Variants in SANBR observed in about 807,000 individuals in gnomAD.
SANBR encodes SANT and BTB domain regulator of CSR.
SANBR carries 77 observed loss-of-function variants against 101.8 expected under a neutral mutation model. The observed-to-expected ratio is 0.76, with a 90% CI of 0.63 to 0.91. The LOEUF is 0.91. SANBR is among the 40% of genes least tolerant of loss of function. The pLI, the probability that SANBR is intolerant of heterozygous loss-of-function variation, is 0.00. For missense variants in SANBR, 875 were observed against 853.0 expected (o/e 1.03, Z -0.32); for synonymous variants, 279 against 274.7 (o/e 1.02, Z -0.15).
Position 61,130,929 on chromosome 2 carries a change from C to CA in SANBR, c.2029-3179dup, listed in dbSNP as rs59171411. On this transcript the variant is annotated intron_variant, in intron 20 of 21. Coordinates refer to the SANBR transcript ENST00000295031. ...TGGGTGACAGAGCGAGACTCTGTCTCAAAAAAAAAAAAAAAAAAAAAAAAA... is the reference window on the plus strand; with the variant it reads ...TGGGTGACAGAGCGAGACTCTGTCTCAAAAAAAAAAAAAAAAAAAAAAAAAA... 8.5e-3 allele frequency among the ~76,000 whole-genome samples: 112 copies of CA among 13,228 alleles called. 49 individuals are homozygous for CA. The highest frequency in any genetic ancestry group is 0.045 in the South Asian group (6 of 132). 8.7% of individuals were successfully genotyped at this position (13,228 alleles called of 152,430 possible). A position where few individuals can be genotyped will look rare whatever the true frequency, so the allele number is the denominator to read the frequency against.
intron 21 of SANBR, among the ~76,000 whole-genome samples, chr2:61,136,260 C>T (rs1684842694): frequency 6.8e-6 from 1 of 147,660 alleles, no homozygotes; most frequent in Non-Finnish European, 1.5e-5. Context: ...GCCAAGATCG[C>T]ACCACTGTAC....
chr2:61,085,071 A>G (rs1032097137), intron 8 of SANBR, among the ~76,000 whole-genome samples: 10 of 152,172 alleles, frequency 6.6e-5, no homozygotes, highest in Non-Finnish European at 1.5e-4. Context: ...ATTATTTAAC[A>G]TGCTTCTTGG....
intron 21 of SANBR, chr2:61,121,478 T>C (rs1573671949): frequency 2.4e-6 from 1 of 416,860 alleles, no homozygotes; most frequent in East Asian, 4.6e-5. Context: ...TTGTGGATTT[T>C]TTAAAGTTTT....
chr2:61,071,294 T>C (rs980640253), intron 3 of SANBR, among the ~76,000 whole-genome samples: 1 of 152,154 alleles, frequency 6.6e-6, no homozygotes, highest in Non-Finnish European at 1.5e-5. Context: ...CTCACGCCTG[T>C]AATCCCAGCA....
At chr2:61,132,136 A>G in intron 20 of SANBR, among the ~76,000 whole-genome samples, 1 of 152,224 alleles carries the variant, frequency 6.6e-6, no homozygotes, top group East Asian at 1.9e-4. Context: ...ATAAGACAAT[A>G]AAAGCACAAG....
chr2:61,120,325 C>T (rs1239627397), intron 20 of SANBR, among the ~76,000 whole-genome samples: 3 of 152,128 alleles, frequency 2.0e-5, no homozygotes, highest in Admixed American at 6.5e-5. Flanking sequence ...CATGGTGAAA[C>T]CCCGTCTCCA....
chr2:61,072,974 A>T (rs943586523), intron 4 of SANBR, among the ~76,000 whole-genome samples: 1 of 151,812 alleles, frequency 6.6e-6, no homozygotes, highest in East Asian at 1.9e-4. Context: ...CTACACGTAC[A>T]TGCTACTGTG....
rs967355175 is a variant in SANBR at position 61,122,817 on chromosome 2, C to T, written c.*655C>T. The T allele has an allele frequency of 4.1e-6, 4 of 985,070 alleles. No homozygotes were observed. The African/African-American group carries it at 7.0e-5, about 17-fold the overall frequency. The allele number at this position is 985,070 out of a possible 1,614,324, so 61.0% of individuals were successfully genotyped here. A position where few individuals can be genotyped will look rare whatever the true frequency, so the allele number is the denominator to read the frequency against. On this transcript the variant is annotated 3_prime_UTR_variant, in exon 22 of 22. Transcript: ENST00000402291. Reference sequence around the variant, plus strand: ...CAGTTTTTAATGCTTATCTATTGATCATCTGAGCTGGAATTACTGATTATT... The same window carrying T: ...CAGTTTTTAATGCTTATCTATTGATTATCTGAGCTGGAATTACTGATTATT...
chr2:61,091,365 G>A (rs971683661), intron 10 of SANBR, among the ~76,000 whole-genome samples: 1 of 152,044 alleles, frequency 6.6e-6, no homozygotes, highest in Non-Finnish European at 1.5e-5. Flanking sequence ...ACTGAGGCGG[G>A]TGGATCACCT....
intron 20 of SANBR, 76 bp downstream of exon 20, chr2:61,118,192 A>G: frequency 2.1e-6 from 2 of 964,170 alleles, no homozygotes; most frequent in Non-Finnish European, 3.2e-6. Flanking sequence ...TAGGATTATA[A>G]AGATGTCTTA....
At chr2:61,090,613 A>AGTT (rs1682693155) in intron 10 of SANBR, 1 of 152,818 alleles carries the variant, frequency 6.5e-6, no homozygotes, top group Non-Finnish European at 1.5e-5. Flanking sequence ...GAACTCCTGG[A>AGTT]CTTTCAAGCA....
rs1028525753 is a variant in SANBR at position 61,123,239 on chromosome 2, C to T, written c.*1077C>T. The T allele has an allele frequency of 2.6e-5, 25 of 972,888 alleles. No individual in the cohort carries two copies. The East Asian group carries it at 2.7e-3, about 105-fold the overall frequency. The allele number at this position is 972,888 out of a possible 1,614,324, so 60.3% of individuals were successfully genotyped here. Reference sequence around the variant, plus strand: ...TGAAAAACTTTAAGATGCACTGTTTCTATTTTTTTAAGTCTTAATTTGCCT... The same window carrying T: ...TGAAAAACTTTAAGATGCACTGTTTTTATTTTTTTAAGTCTTAATTTGCCT... On this transcript the variant is annotated 3_prime_UTR_variant, in exon 22 of 22. Transcript: ENST00000402291.
At chr2:61,115,483 C>T (rs1436521081) in intron 16 of SANBR, among the ~76,000 whole-genome samples, 1 of 151,906 alleles carries the variant, frequency 6.6e-6, no homozygotes, top group African/African-American at 2.4e-5. Context: ...CAGGCATGCA[C>T]CACCATACTT....
chr2:61,097,794 G>A lies in SANBR; in HGVS notation c.1307G>A (p.Gly436Glu), dbSNP rs573071373. 6.2e-7 allele frequency: 1 copy of A among 1,613,378 alleles called. No individual in the cohort carries two copies. The highest frequency in any genetic ancestry group is 1.1e-5 in the South Asian group (1 of 91,018). ...AASSLNTVGT[G>E]IYPCCNQKVL... Reference sequence around the variant, plus strand: ...AGTTCATTGAATACTGTTGGCACTGGAATTTATCCCTGCTGTAACCAAAAG... The same window carrying A: ...AGTTCATTGAATACTGTTGGCACTGAAATTTATCCCTGCTGTAACCAAAAG... The change falls in exon 12 of 22, where the codon GGA (glycine) becomes GAA (glutamate). Residue 436 changes from glycine (G) to glutamate (E), a missense_variant. Transcript: ENST00000402291.
chr2:61,083,393 CTTTCTTT>C (rs993366327), intron 8 of SANBR, 79 bp downstream of exon 8: 37 of 961,502 alleles, frequency 3.8e-5, no homozygotes, highest in East Asian at 7.9e-5. Flanking sequence ...GTGAAATATT[CTTTCTTT>C]TTTCTTTTTT....
chr2:61,109,682 T>G (rs1222742623), intron 16 of SANBR, among the ~76,000 whole-genome samples: 3 of 112,644 alleles, frequency 2.7e-5, no homozygotes, highest in African/African-American at 5.6e-5. Context: ...TTTGTGTTTG[T>G]TTTTTTTTTT....
At chr2:61,071,850 T>C (rs1681491469) in intron 4 of SANBR, 58 bp downstream of exon 4, 3 of 1,029,308 alleles carry the variant, frequency 2.9e-6, no homozygotes, top group East Asian at 5.2e-5. Context: ...CAGAATATTA[T>C]ATATTCCAAT....
chr2:61,111,227 A>G (rs1234753889), intron 16 of SANBR, among the ~76,000 whole-genome samples: 6 of 152,108 alleles, frequency 3.9e-5, no homozygotes, highest in Non-Finnish European at 8.8e-5. Flanking sequence ...CCCCTTCTCT[A>G]TTAAAAATAC....
intron 6 of SANBR, among the ~76,000 whole-genome samples, chr2:61,080,514 A>G (rs1182655373): frequency 6.6e-6 from 1 of 152,124 alleles, no homozygotes; most frequent in Non-Finnish European, 1.5e-5. Flanking sequence ...CGAGGTGAAG[A>G]GATGGAGACC....
Sources: allele counts gnomAD v4.1 joint callset (sites outside exome capture counted in the v4.1 genomes callset), GRCh38; gene constraint gnomAD v4.1.1; transcripts MANE v1.5; gene names NCBI Gene and HGNC (gene_info 2026-07-23, HGNC 2026-07-21).